Variants in KCNK9 observed in about 807,000 individuals in gnomAD.
The protein encoded by KCNK9 is potassium channel subfamily K member 9.
In KCNK9, 1 loss-of-function variant was observed where a neutral mutation model predicts 10.8. The ratio of observed to expected loss-of-function variants is 0.09; its 90% CI spans 0.03 to 0.44. The LOEUF (loss-of-function observed/expected upper bound fraction) is 0.44. KCNK9 is among the 20% of genes least tolerant of loss of function. KCNK9 has a pLI of 0.97. For missense variants in KCNK9, 303 were observed against 515.0 expected, an observed-to-expected ratio of 0.59 and a Z score of 3.98; for synonymous variants, 231 against 222.7, an observed-to-expected ratio of 1.04 and a Z score of -0.33.
At chr8:139,651,982 G>A (rs1815879429) in intron 1 of KCNK9, among the ~76,000 whole-genome samples, 1 of 152,114 alleles carries the variant, frequency 6.6e-6, no homozygotes, top group South Asian at 2.1e-4. Flanking sequence ...CTGCTGCAAT[G>A]AGAAGCACCT....
chr8:139,696,107 T>C (rs1817045262), intron 1 of KCNK9, among the ~76,000 whole-genome samples: 1 of 152,056 alleles, frequency 6.6e-6, no homozygotes, highest in South Asian at 2.1e-4. Flanking sequence ...CCAACCCCCA[T>C]GCACACACCA....
intron 1 of KCNK9, among the ~76,000 whole-genome samples, chr8:139,652,291 C>T (rs530552883): frequency 1.4e-4 from 22 of 152,262 alleles, no homozygotes; most frequent in African/African-American, 4.8e-4. Flanking sequence ...ACACAAGGGC[C>T]GACTAGGAAC....
intron 1 of KCNK9, among the ~76,000 whole-genome samples, chr8:139,650,039 G>A (rs886726194): frequency 1.1e-4 from 16 of 152,192 alleles, no homozygotes; most frequent in African/African-American, 3.9e-4. Context: ...AGTGGCAGGT[G>A]CAAAGGCCCT....
intron 1 of KCNK9, among the ~76,000 whole-genome samples, chr8:139,663,861 G>A (rs1816231345): frequency 6.6e-6 from 1 of 152,154 alleles, no homozygotes; most frequent in Non-Finnish European, 1.5e-5. Context: ...CACTGAGATG[G>A]AGATGTTTGT....
intron 1 of KCNK9, among the ~76,000 whole-genome samples, chr8:139,699,001 T>G (rs563013075): frequency 4.6e-5 from 7 of 152,142 alleles, no homozygotes; most frequent in Non-Finnish European, 7.3e-5. Context: ...GCCCCGAGGT[T>G]CTGGGGAAAT....
At chr8:139,631,071 G>T (rs1292855703) in intron 1 of KCNK9, among the ~76,000 whole-genome samples, 1 of 152,364 alleles carries the variant, frequency 6.6e-6, no homozygotes, top group South Asian at 2.1e-4. Flanking sequence ...TCGGGCGACT[G>T]CAGGGACACG....
intron 1 of KCNK9, among the ~76,000 whole-genome samples, chr8:139,689,712 G>T: frequency 6.8e-6 from 1 of 147,662 alleles, no homozygotes; most frequent in Middle Eastern, 3.6e-3. Flanking sequence ...GCGTGATCTC[G>T]ACTCACTGCA....
intron 1 of KCNK9, among the ~76,000 whole-genome samples, chr8:139,643,980 A>G (rs1815590949): frequency 6.6e-6 from 1 of 152,158 alleles, no homozygotes; most frequent in African/African-American, 2.4e-5. Context: ...GGCCCCATGA[A>G]GGCGGTGATT....
At chr8:139,671,256 C>T (rs1816419386) in intron 1 of KCNK9, among the ~76,000 whole-genome samples, 1 of 152,198 alleles carries the variant, frequency 6.6e-6, no homozygotes, top group African/African-American at 2.4e-5. Context: ...ATCCCCCTTT[C>T]TTTCCTGGCT....
downstream of KCNK9, among the ~76,000 whole-genome samples, chr8:139,612,967 A>C (rs1194332780): frequency 6.6e-6 from 1 of 152,196 alleles, no homozygotes; most frequent in Admixed American, 6.5e-5. Flanking sequence ...CAAGACAAGC[A>C]ATTATGGGAG....
chr8:139,610,730 G>A (rs1490431533), downstream of KCNK9, among the ~76,000 whole-genome samples: 1 of 152,234 alleles, frequency 6.6e-6, no homozygotes, highest in African/African-American at 2.4e-5. Context: ...ACTCGGGCTA[G>A]GGTGGTTAGA....
At chr8:139,631,032 G>A (rs761205302) in intron 1 of KCNK9, among the ~76,000 whole-genome samples, 43 of 152,236 alleles carry the variant, frequency 2.8e-4, no homozygotes, top group Non-Finnish European at 5.3e-4. Context: ...CCGGCCACCG[G>A]AGAGGCAACG....
At chr8:139,611,185 C>A (rs1814412454), downstream of KCNK9, among the ~76,000 whole-genome samples, 1 of 152,234 alleles carries the variant, frequency 6.6e-6, no homozygotes, top group Non-Finnish European at 1.5e-5. Flanking sequence ...TGTATAAGAA[C>A]ACTGTCAGGG....
intron 1 of KCNK9, among the ~76,000 whole-genome samples, chr8:139,671,760 C>T (rs890116592): frequency 1.3e-5 from 2 of 152,020 alleles, no homozygotes; most frequent in Admixed American, 6.5e-5. Flanking sequence ...TCAGTTTCAC[C>T]ATGTTGGCCG....
chr8:139,683,061 T>C (rs1816723637), intron 1 of KCNK9, among the ~76,000 whole-genome samples: 1 of 152,184 alleles, frequency 6.6e-6, no homozygotes, highest in Non-Finnish European at 1.5e-5. Context: ...AATTCCCTTC[T>C]AAATTTTAAA....
chr8:139,610,301 A>ATGAGGG (rs1814381215), downstream of KCNK9, among the ~76,000 whole-genome samples: 1 of 152,176 alleles, frequency 6.6e-6, no homozygotes. Flanking sequence ...GAGGGGAACA[A>ATGAGGG]GTGCCCACAA....
chr8:139,630,073 G>C (rs999223840), intron 1 of KCNK9, among the ~76,000 whole-genome samples: 1 of 151,904 alleles, frequency 6.6e-6, no homozygotes, highest in Non-Finnish European at 1.5e-5. Context: ...GAGCGGGCGT[G>C]GGGGGCGGCG....
intron 1 of KCNK9, among the ~76,000 whole-genome samples, chr8:139,700,696 G>A (rs773104425): frequency 6.6e-6 from 1 of 152,074 alleles, no homozygotes; most frequent in African/African-American, 2.4e-5. Flanking sequence ...AGGCGAAGCC[G>A]ACACCCTCCA....
downstream of KCNK9, among the ~76,000 whole-genome samples, chr8:139,614,747 C>G (rs563254721): frequency 6.2e-3 from 943 of 152,336 alleles, 4 homozygotes; most frequent in South Asian, 0.014. Flanking sequence ...TGGTCTCTAG[C>G]AAGTGTTGCC....
Sources: gnomAD v4.1 joint callset for allele counts (sites outside exome capture counted in the v4.1 genomes callset) on GRCh38, gnomAD v4.1.1 for gene constraint, MANE v1.5 for transcripts, NCBI Gene and HGNC (gene_info 2026-07-23, HGNC 2026-07-21) for gene names.